The following USH2A variants were observed in gnomAD, a reference collection of about 807,000 sequenced individuals.
USH2A encodes Usher syndrome 2A (autosomal recessive, mild).
In USH2A, 443 loss-of-function variants were observed where a neutral mutation model predicts 538.9. That is an observed-to-expected ratio of 0.82 (90% confidence interval 0.76 to 0.89). The LOEUF (loss-of-function observed/expected upper bound fraction) is 0.89, where lower values mean the gene tolerates loss of function less well. USH2A is among the 40% of genes least tolerant of loss of function. The pLI, the probability that USH2A is intolerant of heterozygous loss-of-function variation, is 0.00. For missense variants in USH2A, 6,633 were observed against 6,324.8 expected, an observed-to-expected ratio of 1.05 and a Z score of -1.65; for synonymous variants, 2,413 against 2,273.5, an observed-to-expected ratio of 1.06 and a Z score of -1.75.
At chr1:215,899,952 G>A in intron 40 of USH2A, 123 bp downstream of exon 40, 3 of 1,418,174 alleles carry the variant, frequency 2.1e-6, no homozygotes, top group Non-Finnish European at 2.9e-6. Flanking sequence ...CCCTAGAAAA[G>A]GTTATTGTCA....
At chr1:216,152,868 C>A (rs1309447721) in intron 21 of USH2A, among the ~76,000 whole-genome samples, 2 of 152,214 alleles carry the variant, frequency 1.3e-5, no homozygotes, top group African/African-American at 4.8e-5. Flanking sequence ...GCCCACCATG[C>A]CCCACTATCC....
intron 50 of USH2A, among the ~76,000 whole-genome samples, chr1:215,795,139 C>G (rs1662089404): frequency 6.6e-6 from 1 of 152,128 alleles, no homozygotes; most frequent in Non-Finnish European, 1.5e-5. Context: ...TGTTCAAATC[C>G]TTTTGCCTAC....
chr1:215,989,893 T>C (rs569128), intron 35 of USH2A, among the ~76,000 whole-genome samples: 107,122 of 151,954 alleles, frequency 0.7, 37,953 homozygotes, highest in East Asian at 0.9. Flanking sequence ...TACCCAGGGG[T>C]ATTTTGATGA....
intron 21 of USH2A, among the ~76,000 whole-genome samples, chr1:216,111,978 T>C (rs930364028): frequency 6.6e-6 from 1 of 151,992 alleles, no homozygotes; most frequent in African/African-American, 2.4e-5. Flanking sequence ...TATAGTTTAA[T>C]TTAAATTATG....
intron 20 of USH2A, among the ~76,000 whole-genome samples, chr1:216,187,477 A>G (rs1243781392): frequency 6.6e-6 from 1 of 151,976 alleles, no homozygotes; most frequent in Non-Finnish European, 1.5e-5. Context: ...TGAAATGTGC[A>G]TAATAATTCT....
intron 60 of USH2A, among the ~76,000 whole-genome samples, chr1:215,730,751 G>A (rs573626896): frequency 6.6e-6 from 1 of 152,284 alleles, no homozygotes; most frequent in South Asian, 2.1e-4. Context: ...AAGCTATAGA[G>A]GCTTCATAGA....
intron 21 of USH2A, among the ~76,000 whole-genome samples, chr1:216,166,892 A>C (rs1315912863): frequency 6.6e-6 from 1 of 152,128 alleles, no homozygotes; most frequent in East Asian, 1.9e-4. Context: ...ATATTCCCCA[A>C]GGATGCCCCT....
intron 25 of USH2A, 44 bp from the exon 26 acceptor site, chr1:216,083,630 T>A: frequency 6.3e-7 from 1 of 1,599,770 alleles, no homozygotes; most frequent in Non-Finnish European, 8.5e-7. Context: ...TGTAACACAA[T>A]ATTGCCAGCA....
At chr1:216,334,373 T>C (rs954771842) in intron 4 of USH2A, among the ~76,000 whole-genome samples, 10 of 151,934 alleles carry the variant, frequency 6.6e-5, no homozygotes, top group Non-Finnish European at 2.9e-5. Context: ...CACTAGAAGA[T>C]AACTTTTTAA....
chr1:215,898,402 G>A (rs927181960), intron 40 of USH2A, among the ~76,000 whole-genome samples: 1 of 152,246 alleles, frequency 6.6e-6, no homozygotes, highest in Non-Finnish European at 1.5e-5. Flanking sequence ...AGGTAAGTTT[G>A]CTCAACAAAG....
intron 32 of USH2A, among the ~76,000 whole-genome samples, chr1:216,011,844 A>G (rs1668581471): frequency 6.6e-6 from 1 of 151,952 alleles, no homozygotes; most frequent in Non-Finnish European, 1.5e-5. Context: ...CCGGACTTCA[A>G]TCCAGCCTCC....
At chr1:215,733,323 C>A (rs917038978) in intron 60 of USH2A, among the ~76,000 whole-genome samples, 1 of 152,036 alleles carries the variant, frequency 6.6e-6, no homozygotes, top group African/African-American at 2.4e-5. Context: ...GGGATCTGAC[C>A]CCATTATGCA....
In USH2A at chr1:215,934,680, C is replaced by T; in HGVS notation, c.7236G>A (p.Val2412=). The change falls in exon 38 of 72, where the codon GTG becomes GTA. Residue 2412 remains valine (V), a synonymous_variant. Transcript: ENST00000307340. ...LVPFTNYTVQ[V]NISNSQGSLI... Reference sequence around the variant, plus strand: ...AGCTGCCTTGGCTATTTGAAATATTCACTTGTACAGTATAGTTGGTAAAAG... The same window carrying T: ...AGCTGCCTTGGCTATTTGAAATATTTACTTGTACAGTATAGTTGGTAAAAG... 1 of 1,612,818 alleles carries T rather than the reference C, an allele frequency of 6.2e-7. No individual in the cohort carries two copies. Among genetic ancestry groups the T allele is most frequent in the East Asian group, 2.2e-5 (1 of 44,826 alleles).
At chr1:215,722,807 T>C (rs1291874301) in intron 61 of USH2A, among the ~76,000 whole-genome samples, 1 of 152,208 alleles carries the variant, frequency 6.6e-6, no homozygotes, top group East Asian at 1.9e-4. Context: ...CTTGACGTTT[T>C]ATAACCCCGT....
At chr1:216,136,902 G>T (rs1260539807) in intron 21 of USH2A, among the ~76,000 whole-genome samples, 1 of 152,128 alleles carries the variant, frequency 6.6e-6, no homozygotes, top group African/African-American at 2.4e-5. Context: ...TATCAATCCT[G>T]CTGATATCTT....
At chr1:215,899,801 T>C (rs1553274386) in intron 40 of USH2A, among the ~76,000 whole-genome samples, 1 of 152,160 alleles carries the variant, frequency 6.6e-6, no homozygotes, top group Admixed American at 6.5e-5. Context: ...GGCGCTAAGA[T>C]GTACCCTGAA....
chr1:216,269,489 T>C (rs938756602), intron 11 of USH2A, among the ~76,000 whole-genome samples: 1 of 152,120 alleles, frequency 6.6e-6, no homozygotes, highest in African/African-American at 2.4e-5. Flanking sequence ...AACGGACTAA[T>C]ACAGTTACTA....
At position 215,647,543 on chromosome 1, in the gene USH2A, T is replaced by C; in HGVS notation, c.14770A>G (p.Ser4924Gly). 1.9e-6 allele frequency: 3 copies of C among 1,614,080 alleles called. No homozygotes were observed. The highest frequency in any genetic ancestry group is 2.5e-6 in the Non-Finnish European group (3 of 1,179,988). The part of the protein sequence containing the change: ...EVGSTASEWI[S>G]FTTQKELPQY... Reference sequence around the variant, plus strand: ...TCACATTCTTTTTGGGTGGTGAAACTGATCCACTCGGAAGCCGTACTGCCC... The same window carrying C: ...TCACATTCTTTTTGGGTGGTGAAACCGATCCACTCGGAAGCCGTACTGCCC... The change falls in exon 67 of 72, where the codon AGT becomes GGT. Residue 4924 changes from serine (S) to glycine (G), a missense_variant. Ser to Gly is a moderately conservative substitution (Grantham distance 56). Transcript: ENST00000307340.
intron 9 of USH2A, among the ~76,000 whole-genome samples, chr1:216,303,919 T>C (rs1029489278): frequency 2.6e-5 from 4 of 151,948 alleles, no homozygotes; most frequent in African/African-American, 9.7e-5. Context: ...AAACTATAAA[T>C]GTACACAGTA....
Sources: gnomAD v4.1 joint callset for allele counts (sites outside exome capture counted in the v4.1 genomes callset) on GRCh38, gnomAD v4.1.1 for gene constraint, MANE v1.5 for transcripts, NCBI Gene and HGNC (gene_info 2026-07-23, HGNC 2026-07-21) for gene names.